Variants in CACNA1E observed in about 807,000 individuals in gnomAD.
CACNA1E encodes calcium voltage-gated channel subunit alpha1 E, also known as voltage-dependent R-type calcium channel subunit alpha-1E.
Under a neutral mutation model 259.2 loss-of-function variants are expected in CACNA1E, and 40 were observed. The observed-to-expected ratio is 0.15, with a 90% CI of 0.12 to 0.20. The LOEUF (loss-of-function observed/expected upper bound fraction) is 0.20. CACNA1E is among the 10% of genes least tolerant of loss of function. The probability of loss-of-function intolerance (pLI) is 1.00; values close to 1 mark genes in which losing one functional copy is unlikely to be tolerated. For synonymous variants in CACNA1E, 1,104 were observed against 1,138.5 expected, an observed-to-expected ratio of 0.97 and a Z score of 0.61; for missense variants, 1,874 against 3,040.1, an observed-to-expected ratio of 0.62 and a Z score of 9.02.
At chr1:181,729,407 G>A (rs1280561271) in intron 18 of CACNA1E, among the ~76,000 whole-genome samples, 5 of 152,226 alleles carry the variant, frequency 3.3e-5, no homozygotes, top group African/African-American at 7.2e-5. Context: ...GTGTTAAGGC[G>A]AAACTGCTGA....
intron 1 of CACNA1E, among the ~76,000 whole-genome samples, chr1:181,325,153 C>T (rs1242845458): frequency 1.3e-5 from 2 of 152,208 alleles, no homozygotes; most frequent in African/African-American, 2.4e-5. Context: ...ACACAGCCCA[C>T]CTCCTGCACC....
At chr1:181,374,223 A>T (rs1455717863) in intron 1 of CACNA1E, among the ~76,000 whole-genome samples, 1 of 152,100 alleles carries the variant, frequency 6.6e-6, no homozygotes, top group African/African-American at 2.4e-5. Flanking sequence ...ATTAGTTTCA[A>T]ATAATTTTTT....
At chr1:181,425,539 C>A (rs575302924) in intron 2 of CACNA1E, among the ~76,000 whole-genome samples, 13 of 130,200 alleles carry the variant, frequency 1.0e-4, no homozygotes, top group Admixed American at 4.0e-4. Flanking sequence ...GCTCCCCCCC[C>A]CGACCCCAAG....
At chr1:181,643,144 A>G (rs1338467416) in intron 6 of CACNA1E, among the ~76,000 whole-genome samples, 1 of 152,190 alleles carries the variant, frequency 6.6e-6, no homozygotes. Flanking sequence ...AACTTTTATT[A>G]TAGAGATTTT....
At chr1:181,452,965 A>G (rs1661254236) in intron 2 of CACNA1E, among the ~76,000 whole-genome samples, 2 of 152,214 alleles carry the variant, frequency 1.3e-5, no homozygotes, top group Admixed American at 6.5e-5. Flanking sequence ...TTTCCCAGAC[A>G]TGCATTGTTG....
At chr1:181,433,394 C>T (rs1454832861) in intron 2 of CACNA1E, among the ~76,000 whole-genome samples, 4 of 152,206 alleles carry the variant, frequency 2.6e-5, no homozygotes, top group Non-Finnish European at 5.9e-5. Context: ...CCTGAGGTAA[C>T]CCATTTGCAG....
chr1:181,737,791 C>A, intron 23 of CACNA1E, 137 bp downstream of exon 23: 1 of 1,185,632 alleles, frequency 8.4e-7, no homozygotes, highest in Non-Finnish European at 1.2e-6. Flanking sequence ...TCCTGTTCCT[C>A]AGGGCGAAGT....
intron 3 of CACNA1E, among the ~76,000 whole-genome samples, chr1:181,536,052 C>T (rs1003874724): frequency 6.6e-6 from 1 of 152,000 alleles, no homozygotes; most frequent in Non-Finnish European, 1.5e-5. Flanking sequence ...GCATTTTTTC[C>T]TTACTTTTGG....
intron 3 of CACNA1E, among the ~76,000 whole-genome samples, chr1:181,522,843 G>A (rs1404674284): frequency 1.1e-4 from 16 of 152,128 alleles, no homozygotes; most frequent in African/African-American, 3.1e-4. Flanking sequence ...TGCTCACCCC[G>A]GTCTTTTCTC....
intron 46 of CACNA1E, among the ~76,000 whole-genome samples, chr1:181,795,787 T>TATATATATATATATATATATATATATCTA (rs1410248740): frequency 7.0e-6 from 1 of 143,736 alleles, no homozygotes; most frequent in Non-Finnish European, 1.5e-5. Context: ...TATATATATA[T>TATATATATATATATATATATATATATCTA]TAGTCTGGCT....
intron 1 of CACNA1E, among the ~76,000 whole-genome samples, chr1:181,403,065 G>A (rs1426652316): frequency 6.6e-6 from 1 of 152,168 alleles, no homozygotes; most frequent in Non-Finnish European, 1.5e-5. Context: ...GCAGTAGATG[G>A]TGGCATGGCA....
At chr1:181,471,343 A>T (rs904490662) in intron 2 of CACNA1E, among the ~76,000 whole-genome samples, 1 of 152,240 alleles carries the variant, frequency 6.6e-6, no homozygotes, top group Non-Finnish European at 1.5e-5. Context: ...CCAGGCTCCA[A>T]GTGTAGTTCT....
At chr1:181,667,817 C>T (rs1019736588) in intron 7 of CACNA1E, among the ~76,000 whole-genome samples, 1 of 151,404 alleles carries the variant, frequency 6.6e-6, no homozygotes, top group African/African-American at 2.4e-5. Flanking sequence ...GCTGTTGAAG[C>T]TGGCAATGTG....
At chr1:181,771,457 C>T (rs1042533915) in intron 36 of CACNA1E, 73 bp downstream of exon 36, 5 of 796,538 alleles carry the variant, frequency 6.3e-6, no homozygotes, top group Admixed American at 2.0e-5. Flanking sequence ...GCCTCTTCCT[C>T]CCATTTCCCT....
At chr1:181,443,796 C>T (rs1354092087) in intron 2 of CACNA1E, among the ~76,000 whole-genome samples, 1 of 152,220 alleles carries the variant, frequency 6.6e-6, no homozygotes, top group Non-Finnish European at 1.5e-5. Context: ...TCTCTTCCCC[C>T]TGCAGCACAA....
In CACNA1E at chr1:181,800,735, T is replaced by A. The variant is rs1049883488; in HGVS notation, c.*1901T>A. On this transcript the variant is annotated 3_prime_UTR_variant, in exon 48 of 48. Coordinates refer to ENST00000367573, the MANE Select transcript of CACNA1E (RefSeq NM_001205293.3). Reference sequence around the variant, plus strand: ...AGGAGCCTCTTTTCCCTCTATTTTTTAAATTGAAATATAATAGCTGCATCA... The same window carrying A: ...AGGAGCCTCTTTTCCCTCTATTTTTAAAATTGAAATATAATAGCTGCATCA... 4 of 152,672 alleles carry A rather than the reference T, an allele frequency of 2.6e-5. No individual in the cohort carries two copies. The highest frequency in any genetic ancestry group is 6.5e-5 in the Admixed American group (1 of 15,282). 9.5% of individuals were successfully genotyped at this position (152,672 alleles called of 1,614,324 possible).
At chr1:181,766,433 G>T in intron 34 of CACNA1E, 113 bp from the exon 35 acceptor site, 1 of 733,410 alleles carries the variant, frequency 1.4e-6, no homozygotes, top group Non-Finnish European at 2.5e-6. Context: ...GGGAGTCCCA[G>T]TCTGTGTTTG....
intron 1 of CACNA1E, among the ~76,000 whole-genome samples, chr1:181,496,285 T>C (rs1271607036): frequency 6.6e-6 from 1 of 152,214 alleles, no homozygotes; most frequent in African/African-American, 2.4e-5. Flanking sequence ...CCCAGAAAGC[T>C]TTTGATAAAA....
chr1:181,358,204 G>A (rs914011975), intron 1 of CACNA1E, among the ~76,000 whole-genome samples: 1 of 152,182 alleles, frequency 6.6e-6, no homozygotes, highest in Non-Finnish European at 1.5e-5. Context: ...GGCCTAAGCA[G>A]TCTTCACTCC....
Sources: gnomAD v4.1 joint callset for allele counts (sites outside exome capture counted in the v4.1 genomes callset) on GRCh38, gnomAD v4.1.1 for gene constraint, MANE v1.5 for transcripts, NCBI Gene and HGNC (gene_info 2026-07-23, HGNC 2026-07-21) for gene names.